CCDC7: variants seen among roughly 807,000 people sequenced by gnomAD.
The protein encoded by CCDC7 is coiled-coil domain containing 7.
A neutral mutation model predicts 196.9 loss-of-function variants in CCDC7; 183 were observed. The ratio of observed to expected loss-of-function variants is 0.93; its 90% CI spans 0.82 to 1.05. The LOEUF (loss-of-function observed/expected upper bound fraction) is 1.05. Ranked by LOEUF, CCDC7 falls within the 50% of genes least tolerant of loss-of-function variation. CCDC7 has a pLI of 0.00. For missense variants in CCDC7, 1,540 were observed against 1,482.2 expected (o/e 1.04, Z -0.64); for synonymous variants, 525 against 484.6 (o/e 1.08, Z -1.10).
intron 24 of CCDC7, among the ~76,000 whole-genome samples, chr10:32,698,444 A>G (rs2078091235): frequency 6.6e-6 from 1 of 152,188 alleles, no homozygotes; most frequent in South Asian, 2.1e-4. Context: ...CAAGGAAGCT[A>G]AAAACCTTGA....
chr10:32,611,168 G>A (rs1323770638), intron 18 of CCDC7, among the ~76,000 whole-genome samples: 1 of 152,192 alleles, frequency 6.6e-6, no homozygotes, highest in East Asian at 1.9e-4. Context: ...TTTCTCTAAT[G>A]ACCAATGATG....
chr10:32,487,149 A>C (rs1219607589), intron 8 of CCDC7, among the ~76,000 whole-genome samples: 1 of 151,958 alleles, frequency 6.6e-6, no homozygotes, highest in Non-Finnish European at 1.5e-5. Flanking sequence ...TGGTCTTTTC[A>C]CATAGTCCCA....
chr10:32,646,202 A>G (rs193296715), intron 20 of CCDC7, among the ~76,000 whole-genome samples: 6 of 150,594 alleles, frequency 4.0e-5, no homozygotes, highest in Admixed American at 2.6e-4. Context: ...TTCCTATATT[A>G]TATAGGCTTT....
chr10:32,740,224 G>T (rs2085596371), intron 28 of CCDC7, among the ~76,000 whole-genome samples: 1 of 152,122 alleles, frequency 6.6e-6, no homozygotes, highest in South Asian at 2.1e-4. Flanking sequence ...AATAAAGCCT[G>T]TGTTAGTTAT....
chr10:32,715,160 T>C (rs2081384939), intron 25 of CCDC7, among the ~76,000 whole-genome samples: 2 of 152,270 alleles, frequency 1.3e-5, no homozygotes, highest in South Asian at 2.1e-4. Flanking sequence ...CCAGCTGGCA[T>C]CTGGCCGGTG....
At chr10:32,769,735 G>C (rs1488990001) in intron 28 of CCDC7, among the ~76,000 whole-genome samples, 2 of 150,284 alleles carry the variant, frequency 1.3e-5, no homozygotes, top group South Asian at 2.1e-4. Context: ...TGCAGTGTTT[G>C]GTTTTCTGCT....
chr10:32,605,014 T>G (rs1017887861), intron 18 of CCDC7, among the ~76,000 whole-genome samples: 2 of 152,176 alleles, frequency 1.3e-5, no homozygotes, highest in Non-Finnish European at 2.9e-5. Context: ...AGATGGGGTC[T>G]GGTAGGATGT....
chr10:32,818,429 C>T lies in CCDC7; in HGVS notation c.3181+3976C>T, dbSNP rs919702607. Among the ~76,000 whole-genome samples the T allele has an allele frequency of 5.9e-5, 9 of 152,188 alleles. No individual in the cohort carries two copies. The South Asian group carries it at 1.2e-3, about 21-fold the overall frequency. On this transcript the variant is annotated intron_variant, in intron 31 of 41. Coordinates refer to ENST00000639629, the Ensembl canonical transcript of CCDC7. Reference sequence around the variant, plus strand: ...CCACTGTCAACATTAGACAGATCAACGAGACAGAAAGTTAACAAGGATATC... The same window carrying T: ...CCACTGTCAACATTAGACAGATCAATGAGACAGAAAGTTAACAAGGATATC...
intron 18 of CCDC7, among the ~76,000 whole-genome samples, chr10:32,631,178 A>G (rs2064811024): frequency 1.3e-5 from 2 of 152,096 alleles, no homozygotes; most frequent in South Asian, 2.1e-4. Flanking sequence ...ATTTATCTAT[A>G]TTTTCTTTTG....
At chr10:32,642,472 G>C (rs987652030) in intron 20 of CCDC7, among the ~76,000 whole-genome samples, 1 of 152,212 alleles carries the variant, frequency 6.6e-6, no homozygotes, top group South Asian at 2.1e-4. Context: ...TAATCTCCTG[G>C]TGTGCTGTTT....
At chr10:32,619,474 TAATA>T (rs1287027585) in intron 18 of CCDC7, among the ~76,000 whole-genome samples, 1 of 152,076 alleles carries the variant, frequency 6.6e-6, no homozygotes, top group East Asian at 1.9e-4. Flanking sequence ...TTGATCAAAT[TAATA>T]TAAAATTTAT....
At chr10:32,817,862 G>A (rs1478019652) in intron 31 of CCDC7, among the ~76,000 whole-genome samples, 14 of 152,100 alleles carry the variant, frequency 9.2e-5, no homozygotes, top group Middle Eastern at 3.2e-3. Flanking sequence ...AGGAACAACC[G>A]GTACCAGCCA....
intron 5 of CCDC7, among the ~76,000 whole-genome samples, chr10:32,465,268 A>G (rs1166917191): frequency 2.6e-5 from 4 of 152,160 alleles, no homozygotes; most frequent in Non-Finnish European, 5.9e-5. Flanking sequence ...TTAGCCATGG[A>G]GCATGTGTCA....
chr10:32,459,973 A>G (rs1020101587), intron 3 of CCDC7, among the ~76,000 whole-genome samples: 12 of 152,168 alleles, frequency 7.9e-5, no homozygotes, highest in Admixed American at 6.5e-5. Flanking sequence ...CAGCAGTATA[A>G]TAAATGGCTT....
At chr10:32,674,675 A>G (rs1486893927) in intron 21 of CCDC7, among the ~76,000 whole-genome samples, 2 of 151,980 alleles carry the variant, frequency 1.3e-5, no homozygotes, top group African/African-American at 4.8e-5. Context: ...TTGAAAGTGG[A>G]GTATTGAAGT....
intron 2 of CCDC7, among the ~76,000 whole-genome samples, chr10:32,455,618 A>C (rs1426998849): frequency 6.6e-6 from 1 of 152,174 alleles, no homozygotes; most frequent in Admixed American, 6.5e-5. Flanking sequence ...CGCCTGGCTC[A>C]GTATCTTTAA....
chr10:32,745,670 G>A (rs574973746), intron 28 of CCDC7, among the ~76,000 whole-genome samples: 1 of 152,252 alleles, frequency 6.6e-6, no homozygotes, highest in East Asian at 1.9e-4. Flanking sequence ...GACCTTTGGA[G>A]GGGACAAATA....
intron 11 of CCDC7, among the ~76,000 whole-genome samples, chr10:32,533,198 A>T (rs964572229): frequency 5.9e-5 from 9 of 151,620 alleles, no homozygotes; most frequent in African/African-American, 2.2e-4. Flanking sequence ...TGTTTTAAAG[A>T]GATGATAATT....
chr10:32,589,523 GTGTATTCTGGTGCCAC>G (rs1467129257), intron 18 of CCDC7, among the ~76,000 whole-genome samples: 4 of 152,136 alleles, frequency 2.6e-5, no homozygotes, highest in African/African-American at 9.7e-5. Flanking sequence ...GGAGAAAAAT[GTGTATTCTGGTGCCAC>G]TGAAAGAAAT....
Sources: gnomAD v4.1 joint callset for allele counts (sites outside exome capture counted in the v4.1 genomes callset) on GRCh38, gnomAD v4.1.1 for gene constraint, MANE v1.5 for transcripts, NCBI Gene and HGNC (gene_info 2026-07-23, HGNC 2026-07-21) for gene names.